Variants in MGAM observed in about 807,000 individuals in gnomAD.
MGAM encodes alpha-1,4-glucosidase.
MGAM carries 253 observed loss-of-function variants against 358.8 expected under a neutral mutation model. That is an observed-to-expected ratio of 0.71 (90% CI 0.64 to 0.78). The LOEUF (loss-of-function observed/expected upper bound fraction) is 0.78. Ranked by LOEUF, MGAM falls within the 30% of genes least tolerant of loss-of-function variation. MGAM has a pLI of 0.00. For missense variants in MGAM, 3,080 were observed against 3,432.6 expected (o/e 0.90, Z 2.57); for synonymous variants, 1,105 against 1,227.1 (o/e 0.90, Z 2.08).
intron 2 of MGAM, among the ~76,000 whole-genome samples, chr7:141,987,311 C>G (rs748742279): frequency 1.4e-4 from 22 of 152,164 alleles, no homozygotes; most frequent in Non-Finnish European, 2.2e-4. Flanking sequence ...TTTCTTTCTG[C>G]TACTCTCTAC....
chr7:142,094,400 C>T lies in MGAM; in HGVS notation c.7209C>T (p.Val2403=). 1 of 1,532,968 alleles carries T rather than the reference C, an allele frequency of 6.5e-7. No individual in the cohort carries two copies. The highest frequency in any genetic ancestry group is 8.9e-7 in the Non-Finnish European group (1 of 1,121,126). 95.0% of individuals were successfully genotyped at this position (1,532,968 alleles called of 1,614,324 possible). A position where few individuals can be genotyped will look rare whatever the true frequency, so the allele number is the denominator to read the frequency against. Residue 2403 remains valine, a synonymous_variant, in exon 61 of 71, where the codon GTC becomes GTT. Coordinates refer to ENST00000475668, the MANE Select transcript of MGAM (RefSeq NM_001365693.1). ...VQEVTGQRGV[V]ITRSTFPSSG... ...AGGTGACAGGACAGCGAGGGGTCGTCATCACCCGCTCCACATTTCCCTCTT... is the reference window on the plus strand; with the variant it reads ...AGGTGACAGGACAGCGAGGGGTCGTTATCACCCGCTCCACATTTCCCTCTT...
chr7:142,075,220 C>T (rs1282996112), intron 45 of MGAM, among the ~76,000 whole-genome samples: 1 of 146,320 alleles, frequency 6.8e-6, no homozygotes, highest in South Asian at 2.2e-4. Context: ...TATATATGTA[C>T]CAGAACATCT....
intron 14 of MGAM, among the ~76,000 whole-genome samples, chr7:142,033,379 T>C (rs1554464527): frequency 6.6e-6 from 1 of 152,206 alleles, no homozygotes; most frequent in Admixed American, 6.5e-5. Context: ...AACGTGATGA[T>C]ACTCAGCTTT....
chr7:142,007,038 T>C (rs1240190547), intron 2 of MGAM, among the ~76,000 whole-genome samples: 2 of 152,092 alleles, frequency 1.3e-5, no homozygotes, highest in African/African-American at 4.8e-5. Context: ...TCACCATTTT[T>C]CCACCCAAGC....
intron 34 of MGAM, among the ~76,000 whole-genome samples, chr7:142,060,892 T>C (rs1812120429): frequency 6.6e-6 from 1 of 152,140 alleles, no homozygotes; most frequent in Non-Finnish European, 1.5e-5. Context: ...CACCATTCCT[T>C]GGGTTTCTCA....
upstream of MGAM, among the ~76,000 whole-genome samples, chr7:141,991,752 T>G (rs1350598208): frequency 6.6e-6 from 1 of 152,120 alleles, no homozygotes; most frequent in Non-Finnish European, 1.5e-5. Context: ...GGAGATATTT[T>G]AATCACATTC....
intron 70 of MGAM, among the ~76,000 whole-genome samples, chr7:142,105,329 C>T (rs1001769449): frequency 2.6e-5 from 4 of 151,776 alleles, no homozygotes; most frequent in South Asian, 2.1e-4. Flanking sequence ...ACTCTGTTGC[C>T]TAGGCTGAAG....
intron 63 of MGAM, 99 bp downstream of exon 63, chr7:142,094,962 AATT>A: frequency 6.1e-6 from 7 of 1,142,492 alleles, no homozygotes; most frequent in Non-Finnish European, 8.1e-6. Flanking sequence ...ATATCTTTAA[AATT>A]TTTTTTTTTT....
At chr7:142,087,700 T>C (rs1814886030) in intron 57 of MGAM, among the ~76,000 whole-genome samples, 1 of 146,272 alleles carries the variant, frequency 6.8e-6, no homozygotes, top group Admixed American at 6.9e-5. Flanking sequence ...TGCCAGGAAT[T>C]GAAGGGACAA....
Position 142,027,647 on chromosome 7 carries a change from T to C in MGAM, c.1133T>C (p.Leu378Pro). ...GRPALPSYWA[L>P]GFHLSRYEYG... The stretch of plus-strand genomic sequence containing the variant: ...CCAGCCCTTCCCTCCTACTGGGCGC[T>C]TGGATTTCACCTCAGTCGTTACGAA... Residue 378 changes from leucine to proline, a missense_variant, in exon 10 of 71, where the codon CTT becomes CCT. Leu to Pro is a moderately conservative substitution (Grantham distance 98). This residue lies in a region of MGAM where 1,816 missense variants were observed against 1,840.5 expected (regional missense o/e 0.99). Coordinates refer to ENST00000475668, the MANE Select transcript of MGAM (RefSeq NM_001365693.1). 1 of 1,613,824 alleles carries C rather than the reference T, an allele frequency of 6.2e-7. No homozygotes were observed. The highest frequency in any genetic ancestry group is 8.5e-7 in the Non-Finnish European group (1 of 1,179,756).
At chr7:142,012,407 C>T (rs573227155) in intron 3 of MGAM, among the ~76,000 whole-genome samples, 4 of 152,234 alleles carry the variant, frequency 2.6e-5, no homozygotes, top group African/African-American at 9.6e-5. Context: ...CACCTAATTC[C>T]CTTTGTCTGG....
At position 142,041,916 on chromosome 7, in the gene MGAM, CGTATAATATATAATAT is replaced by C. The variant is rs1563144492; in HGVS notation, c.2498+1071_2498+1086del. 7.2e-3 allele frequency among the ~76,000 whole-genome samples: 155 copies of C among 21,560 alleles called. 11 individuals are homozygous for C. Among genetic ancestry groups the C allele is most frequent in the African/African-American group, 0.025 (146 of 5,942 alleles). The allele number at this position is 21,560 out of a possible 152,430, so 14.1% of individuals were successfully genotyped here. A position where few individuals can be genotyped will look rare whatever the true frequency, so the allele number is the denominator to read the frequency against. On this transcript the variant is annotated intron_variant, in intron 21 of 70. Coordinates refer to ENST00000475668, the MANE Select transcript of MGAM (RefSeq NM_001365693.1). Reference sequence around the variant, plus strand: ...ATATAATATATATATTATATATATACGTATAATATATAATATATATATTATATATATACATATATAT... The same window carrying C: ...ATATAATATATATATTATATATATACATATATTATATATATACATATATAT...
intron 66 of MGAM, among the ~76,000 whole-genome samples, chr7:142,098,280 G>A (rs1816128290): frequency 6.6e-6 from 1 of 152,074 alleles, no homozygotes; most frequent in Non-Finnish European, 1.5e-5. Flanking sequence ...GACTTATCTG[G>A]GAAGCCAGGG....
intron 12 of MGAM, 77 bp from the exon 13 acceptor site, chr7:142,031,603 T>C: frequency 9.8e-7 from 1 of 1,020,602 alleles, no homozygotes; most frequent in South Asian, 1.5e-5. Flanking sequence ...ATATTAGGAA[T>C]TTCTTTGCAA....
intron 3 of MGAM, 90 bp from the exon 4 acceptor site, chr7:142,019,109 T>C: frequency 1.4e-6 from 2 of 1,382,590 alleles, no homozygotes; most frequent in African/African-American, 1.4e-5. Context: ...AAATTATTCA[T>C]ACCAGAGTCT....
Position 142,079,156 on chromosome 7 carries a change from GAACAATGAGACCTGCCCTAAT to G in MGAM, c.5847+149_5847+169del. 2.5e-6 allele frequency: 2 copies of G among 795,384 alleles called. 1 individual carries two copies. Among genetic ancestry groups the G allele is most frequent in the East Asian group, 5.5e-5 (2 of 36,284 alleles). 49.3% of individuals were successfully genotyped at this position (795,384 alleles called of 1,614,324 possible). Reference sequence around the variant, plus strand: ...AGAGAACATTGAGAAATCATTGAGGGAACAATGAGACCTGCCCTAATTTTCATTTGGAAAAGATTACTGTGG... The same window carrying G: ...AGAGAACATTGAGAAATCATTGAGGGTTTCATTTGGAAAAGATTACTGTGG... On this transcript the variant is annotated intron_variant, in intron 49 of 70. Transcript: ENST00000475668.
Position 142,013,013 on chromosome 7 carries a change from A to C in MGAM, c.327+4308A>C, listed in dbSNP as rs142448841. ...ACTTTTGATGCATTTTGTTGATCAGATCAGTCTCAGGGCGGCCCAGCTTCA... is the reference window on the plus strand; with the variant it reads ...ACTTTTGATGCATTTTGTTGATCAGCTCAGTCTCAGGGCGGCCCAGCTTCA... On this transcript the variant is annotated intron_variant, in intron 3 of 70. Transcript: ENST00000475668. Among the ~76,000 whole-genome samples, 6 of 152,282 alleles carry C rather than the reference A, an allele frequency of 3.9e-5. No homozygotes were observed. The East Asian group carries it at 1.2e-3, about 29-fold the overall frequency.
At chr7:142,013,780 C>T (rs970575387) in intron 3 of MGAM, among the ~76,000 whole-genome samples, 12 of 152,192 alleles carry the variant, frequency 7.9e-5, no homozygotes, top group African/African-American at 2.9e-4. Context: ...TGGTTCTTCT[C>T]TCTACCCATT....
chr7:142,104,176 GAA>G (rs1816663293), intron 70 of MGAM, among the ~76,000 whole-genome samples: 2 of 152,098 alleles, frequency 1.3e-5, no homozygotes, highest in South Asian at 4.1e-4. Flanking sequence ...TAAACTTATA[GAA>G]AGTTTTTGAA....
Sources: gnomAD v4.1 joint callset for allele counts (sites outside exome capture counted in the v4.1 genomes callset) on GRCh38, gnomAD v4.1.1 for gene constraint, gnomAD v4.1.1 regional missense constraint, MANE v1.5 for transcripts, NCBI Gene and HGNC (gene_info 2026-07-23, HGNC 2026-07-21) for gene names.